The following MYZAP variants were observed in gnomAD, a reference collection of about 807,000 sequenced individuals.
MYZAP encodes the protein myocardial zonula adherens protein, also known as GRINL1A complex locus upstream.
MYZAP carries 66 observed loss-of-function variants against 69.4 expected under a neutral mutation model. That is an observed-to-expected ratio of 0.95 (90% CI 0.78 to 1.17). The LOEUF (loss-of-function observed/expected upper bound fraction) is 1.17. Ranked by LOEUF, MYZAP falls within the 50% of genes most tolerant of loss-of-function variation. The probability of loss-of-function intolerance (pLI) is 0.00; values close to 1 mark genes in which losing one functional copy is unlikely to be tolerated. For missense variants in MYZAP, 611 were observed against 556.2 expected (o/e 1.10, Z -0.99); for synonymous variants, 256 against 205.9 (o/e 1.24, Z -2.09).
At chr15:57,673,934 C>G (rs1291473036) in intron 11 of MYZAP, among the ~76,000 whole-genome samples, 1 of 152,156 alleles carries the variant, frequency 6.6e-6, no homozygotes, top group African/African-American at 2.4e-5. Flanking sequence ...ATTGTAAAAT[C>G]ATTTATAAAT....
intron 2 of MYZAP, among the ~76,000 whole-genome samples, chr15:57,610,615 C>A (rs1640749686): frequency 6.6e-6 from 1 of 152,168 alleles, no homozygotes; most frequent in Non-Finnish European, 1.5e-5. Flanking sequence ...CTTCTTCTAG[C>A]AAATAGAAAT....
At chr15:57,610,873 A>T (rs2035064187) in intron 2 of MYZAP, among the ~76,000 whole-genome samples, 1 of 152,094 alleles carries the variant, frequency 6.6e-6, no homozygotes, top group East Asian at 1.9e-4. Flanking sequence ...ACCTTCTGAG[A>T]CTTTGTGATT....
At chr15:57,638,323 G>A (rs150457902) in intron 9 of MYZAP, among the ~76,000 whole-genome samples, 270 of 152,284 alleles carry the variant, frequency 1.8e-3, no homozygotes, top group South Asian at 6.2e-3. Context: ...TTTTGGGCAA[G>A]TGACTTAACC....
At chr15:57,623,368 A>G (rs1262764958) in intron 4 of MYZAP, among the ~76,000 whole-genome samples, 1 of 152,270 alleles carries the variant, frequency 6.6e-6, no homozygotes, top group African/African-American at 2.4e-5. Context: ...GAGGAAAGAC[A>G]TAAGGATAGA....
chr15:57,676,190 A>T (rs74595734), intron 12 of MYZAP, among the ~76,000 whole-genome samples: 2,183 of 152,172 alleles, frequency 0.014, 24 homozygotes, highest in African/African-American at 0.032. Flanking sequence ...AACATTGTAC[A>T]GTAAGGCCTC....
At chr15:57,593,437 C>T (rs1267771583) in intron 1 of MYZAP, among the ~76,000 whole-genome samples, 1 of 152,086 alleles carries the variant, frequency 6.6e-6, no homozygotes, top group African/African-American at 2.4e-5. Context: ...TAACCCTGAG[C>T]CCTGAGAGGA....
intron 12 of MYZAP, among the ~76,000 whole-genome samples, chr15:57,677,416 G>A (rs1245154034): frequency 6.6e-6 from 1 of 152,210 alleles, no homozygotes; most frequent in African/African-American, 2.4e-5. Flanking sequence ...TGATTCACTG[G>A]AAGCCACATA....
intron 8 of MYZAP, among the ~76,000 whole-genome samples, chr15:57,637,147 T>TC: frequency 6.6e-6 from 1 of 152,152 alleles, no homozygotes; most frequent in Non-Finnish European, 1.5e-5. Context: ...CATTTTAAGA[T>TC]CTTTAACTTA....
chr15:57,615,058 C>G (rs2140369810), intron 2 of MYZAP, among the ~76,000 whole-genome samples: 1 of 152,286 alleles, frequency 6.6e-6, no homozygotes, highest in South Asian at 2.1e-4. Context: ...GATGGCCCTG[C>G]TCCCCAGCGG....
At chr15:57,596,864 C>G (rs548697499) in intron 1 of MYZAP, among the ~76,000 whole-genome samples, 1 of 152,318 alleles carries the variant, frequency 6.6e-6, no homozygotes, top group African/African-American at 2.4e-5. Context: ...TGCCCTGAAA[C>G]CTCAACCCTC....
At chr15:57,623,732 C>CA (rs59442912) in intron 4 of MYZAP, among the ~76,000 whole-genome samples, 46,570 of 119,574 alleles carry the variant, frequency 0.39, 7,663 homozygotes, top group East Asian at 0.43. Flanking sequence ...GACCCTGTTT[C>CA]AAAAAAAAAA....
At chr15:57,674,323 G>A (rs2039012914) in intron 11 of MYZAP, among the ~76,000 whole-genome samples, 1 of 151,994 alleles carries the variant, frequency 6.6e-6, no homozygotes, top group African/African-American at 2.4e-5. Context: ...GTAATGTTTG[G>A]CTCTGGCCCG....
chr15:57,639,657 C>A, intron 10 of MYZAP, 112 bp downstream of exon 10: 1 of 1,198,870 alleles, frequency 8.3e-7, no homozygotes. Flanking sequence ...AGCCGAGGTG[C>A]TCAGGCCACT....
intron 10 of MYZAP, among the ~76,000 whole-genome samples, chr15:57,640,852 A>G (rs1465011497): frequency 2.0e-5 from 3 of 152,220 alleles, no homozygotes; most frequent in Admixed American, 6.5e-5. Context: ...CATCTTTGCA[A>G]TCGTTTTGTG....
chr15:57,652,433 CT>C, intron 10 of MYZAP, among the ~76,000 whole-genome samples: 1 of 152,070 alleles, frequency 6.6e-6, no homozygotes, highest in East Asian at 1.9e-4. Flanking sequence ...TTTGTGGTGG[CT>C]TTTATCAAAG....
chr15:57,636,139 GT>G (rs535454874), intron 8 of MYZAP, among the ~76,000 whole-genome samples: 5 of 147,310 alleles, frequency 3.4e-5, no homozygotes, highest in Admixed American at 6.8e-5. Flanking sequence ...CTTGTTTTTT[GT>G]TTTTTTTTTC....
In MYZAP at chr15:57,675,003, A is replaced by G; in HGVS notation, c.1239A>G (p.Thr413=). Residue 413 remains threonine, a synonymous_variant, in exon 12 of 13, where the codon ACA becomes ACG. Transcript: ENST00000267853. ...NELQSRLDYL[T]ETQAKTEVET... ...TACAAAGCAGGTTGGACTATTTAACAGAAACCCAGGCCAAGACCGAAGTGG... is the reference window on the plus strand; with the variant it reads ...TACAAAGCAGGTTGGACTATTTAACGGAAACCCAGGCCAAGACCGAAGTGG... The G allele has an allele frequency of 1.2e-6, 2 of 1,613,800 alleles. No individual in the cohort carries two copies. The highest frequency in any genetic ancestry group is 1.7e-5 in the Admixed American group (1 of 60,030).
At chr15:57,634,938 A>G (rs2036727123) in intron 8 of MYZAP, among the ~76,000 whole-genome samples, 1 of 152,174 alleles carries the variant, frequency 6.6e-6, no homozygotes, top group Non-Finnish European at 1.5e-5. Context: ...GCTTCCTCCC[A>G]CATTATTGTC....
intron 1 of MYZAP, among the ~76,000 whole-genome samples, chr15:57,593,188 G>GCATGCGCGCGCACACACACACACACACA: frequency 6.1e-4 from 70 of 114,198 alleles, no homozygotes; most frequent in South Asian, 1.0e-3. Context: ...GTACACAGGC[G>GCATGCGCGCGCACACACACACACACACA]CACACACACA....
Sources: allele counts gnomAD v4.1 joint callset (sites outside exome capture counted in the v4.1 genomes callset), GRCh38; gene constraint gnomAD v4.1.1; transcripts MANE v1.5; gene names NCBI Gene and HGNC (gene_info 2026-07-23, HGNC 2026-07-21).